Variants in LMO3 observed in about 807,000 individuals in gnomAD.
LMO3 encodes LIM domain only 3.
LMO3 carries 2 observed loss-of-function variants against 15.8 expected under a neutral mutation model. The ratio of observed to expected loss-of-function variants is 0.13; its 90% CI spans 0.05 to 0.40. The LOEUF is 0.40. Among genes scored for constraint, LMO3 ranks in the 10% least tolerant of loss-of-function variants. The pLI is 0.99. For missense variants in LMO3, 86 were observed against 182.2 expected, an observed-to-expected ratio of 0.47 and a Z score of 3.04; for synonymous variants, 62 against 63.8, an observed-to-expected ratio of 0.97 and a Z score of 0.13.
chr12:16,599,649 A>G lies in LMO3; in HGVS notation c.206+1006T>C, dbSNP rs1943761171. The G allele has an allele frequency of 6.6e-6, 1 of 152,228 alleles. No homozygotes were observed. Among genetic ancestry groups the G allele is most frequent in the South Asian group, 2.1e-4 (1 of 4,836 alleles). 9.4% of individuals were successfully genotyped at this position (152,228 alleles called of 1,614,324 possible). Reference sequence around the variant, plus strand: ...TATGAAAATCCCAATGATGCCATATATCATTTCTCTAATTTGATAGATCCT... The same window carrying G: ...TATGAAAATCCCAATGATGCCATATGTCATTTCTCTAATTTGATAGATCCT... On this transcript the variant is annotated intron_variant, in intron 2 of 3. Transcript: ENST00000537304. This position sits in a 1 kb window ranked among gnomAD's most constrained non-coding sequence, Gnocchi z 4.1.
At position 16,584,191 on chromosome 12, in the gene LMO3, G is replaced by A. The variant is rs1038180905; in HGVS notation, c.206+16464C>T. On this transcript the variant is annotated intron_variant, in intron 2 of 3. Transcript: ENST00000537304. This position sits in a 1 kb window ranked among gnomAD's most constrained non-coding sequence, Gnocchi z 5.2. ...TAAAAGGTAGTATAATTAGATGTAC[G>A]AGTTTTGTTGGAGGATGCATTTTTT... Among the ~76,000 whole-genome samples, 15 of 152,092 alleles carry A rather than the reference G, an allele frequency of 9.9e-5. No homozygotes were observed. The highest frequency in any genetic ancestry group is 7.7e-4 in the East Asian group (4 of 5,172).
chr12:16,568,742 A>G (rs943599553), intron 2 of LMO3, among the ~76,000 whole-genome samples: 24 of 152,338 alleles, frequency 1.6e-4, no homozygotes, highest in African/African-American at 5.3e-4. Flanking sequence ...TACTAGAAAT[A>G]TTAAAATTAA....
chr12:16,552,445 T>C (rs1448048586), intron 3 of LMO3, among the ~76,000 whole-genome samples: 2 of 152,012 alleles, frequency 1.3e-5, no homozygotes, highest in African/African-American at 2.4e-5. Context: ...TTTTGTGAAG[T>C]TGAAGGTTTA....
chr12:16,609,068 T>C (rs1216655016), upstream of LMO3: 1 of 152,200 alleles, frequency 6.6e-6, no homozygotes, highest in South Asian at 2.1e-4. Context: ...AGTTTTTCTC[T>C]TCATAATCAT....
In LMO3 at chr12:16,604,056, G is replaced by C. The variant is rs1591836889; in HGVS notation, c.-9+2010C>G. ...ATGGGAATGCAGGTTCTGCAGCTGG[G>C]AGCATTGACACAGATTAAAAGAATT... On this transcript the variant is annotated intron_variant, in intron 1 of 3. Coordinates refer to ENST00000537304, the MANE Select transcript of LMO3 (RefSeq NM_018640.5). This position sits in a 1 kb window ranked among gnomAD's most constrained non-coding sequence, Gnocchi z 5.3. 6.6e-6 allele frequency among the ~76,000 whole-genome samples: 1 copy of C among 152,160 alleles called. No individual in the cohort carries two copies. The highest frequency in any genetic ancestry group is 1.5e-5 in the Non-Finnish European group (1 of 68,022).
At chr12:16,577,399 T>C (rs571219672) in intron 2 of LMO3, among the ~76,000 whole-genome samples, 17 of 152,310 alleles carry the variant, frequency 1.1e-4, no homozygotes, top group African/African-American at 4.1e-4. Context: ...CCTAAGTAGT[T>C]GGCAGTTATT....
rs199601375 is a variant in LMO3, at chr12:16,604,563, TAA to T, written c.-9+1501_-9+1502del. On this transcript the variant is annotated intron_variant, in intron 1 of 3. Transcript: ENST00000537304. This position sits in a 1 kb window ranked among gnomAD's most constrained non-coding sequence, Gnocchi z 5.3. ...ATTTTGATGCAGCTCACATGCAAAA[TAA>T]AAAAAAAAAATAAGAAACATACATA... is the stretch of plus-strand genomic sequence containing the variant. 168 of 300,166 alleles carry T rather than the reference TAA, an allele frequency of 5.6e-4. No individual in the cohort carries two copies. The highest frequency in any genetic ancestry group is 1.4e-3 in the South Asian group (21 of 15,030). 18.6% of individuals were successfully genotyped at this position (300,166 alleles called of 1,614,324 possible).
chr12:16,602,961 T>C (rs755266742), intron 1 of LMO3, among the ~76,000 whole-genome samples: 3 of 151,438 alleles, frequency 2.0e-5, no homozygotes, highest in South Asian at 2.1e-4. Flanking sequence ...CTATTATTTT[T>C]ATTTATCACA....
intron 1 of LMO3, chr12:16,601,861 T>G (rs996519080): frequency 1.3e-5 from 2 of 152,136 alleles, no homozygotes; most frequent in East Asian, 1.9e-4. Context: ...TCACCTTGAG[T>G]GTCTTCTTAT....
intron 3 of LMO3, among the ~76,000 whole-genome samples, chr12:16,556,660 A>AT (rs1308692239): frequency 5.3e-5 from 8 of 152,206 alleles, no homozygotes; most frequent in South Asian, 2.1e-4. Flanking sequence ...TGCGACAATG[A>AT]TTTGGCTACT....
chr12:16,597,388 AATC>A lies in LMO3; in HGVS notation c.206+3264_206+3266del, dbSNP rs1337174299. ...TATTTTCATATTATTTAATATCTCAAATCATCATTCAAAGAACTTATAAATCAC... is the reference window on the plus strand; with the variant it reads ...TATTTTCATATTATTTAATATCTCAAATCATTCAAAGAACTTATAAATCAC... On this transcript the variant is annotated intron_variant, in intron 2 of 3. Transcript: ENST00000537304. The surrounding 1 kb of genome is among the most constrained non-coding windows in gnomAD (Gnocchi z 5.0). 6.6e-6 allele frequency among the ~76,000 whole-genome samples: 1 copy of A among 151,746 alleles called. No homozygotes were observed. Among genetic ancestry groups the A allele is most frequent in the African/African-American group, 2.4e-5 (1 of 41,406 alleles).
At chr12:16,558,581 A>G (rs1942276144) in intron 3 of LMO3, among the ~76,000 whole-genome samples, 1 of 152,060 alleles carries the variant, frequency 6.6e-6, no homozygotes, top group African/African-American at 2.4e-5. Context: ...TTGCCAATTT[A>G]TTTTCGTCTA....
At position 16,596,216 on chromosome 12, in the gene LMO3, T is replaced by C. The variant is rs1404349757; in HGVS notation, c.206+4439A>G. On this transcript the variant is annotated intron_variant, in intron 2 of 3. Coordinates refer to ENST00000537304, the MANE Select transcript of LMO3 (RefSeq NM_018640.5). The surrounding 1 kb of genome is among the most constrained non-coding windows in gnomAD (Gnocchi z 4.3). ...ATTATATTAAAGCCTATAAAATTTG[T>C]AGTCAGCATAGCAAGCTTCAAATCA... is the stretch of plus-strand genomic sequence containing the variant. 6.6e-6 allele frequency among the ~76,000 whole-genome samples: 1 copy of C among 151,552 alleles called. No individual in the cohort carries two copies. Among genetic ancestry groups the C allele is most frequent in the African/African-American group, 2.4e-5 (1 of 41,402 alleles).
rs1263465722 is a variant in LMO3 at position 16,603,331 on chromosome 12, T to C, written c.-8-2463A>G. On this transcript the variant is annotated intron_variant, in intron 1 of 3. Transcript: ENST00000537304. The surrounding 1 kb of genome is among the most constrained non-coding windows in gnomAD (Gnocchi z 4.9). ...TGAAAATGGAATCTCTTGAATTCCA[T>C]GCAAGTTAACAATTGTAGCAAAAGA... Among the ~76,000 whole-genome samples, 1 of 152,210 alleles carries C rather than the reference T, an allele frequency of 6.6e-6. No individual in the cohort carries two copies. Among genetic ancestry groups the C allele is most frequent in the African/African-American group, 2.4e-5 (1 of 41,450 alleles).
At position 16,549,121 on chromosome 12, in the gene LMO3, G is replaced by A. The variant is rs2137228520; in HGVS notation, c.*2101C>T. 6.6e-6 allele frequency: 1 copy of A among 152,238 alleles called. No individual in the cohort carries two copies. Among genetic ancestry groups the A allele is most frequent in the Middle Eastern group, 3.4e-3 (1 of 294 alleles). The allele number at this position is 152,238 out of a possible 1,614,324, so 9.4% of individuals were successfully genotyped here. ...ACATCCATGTGAATTTCAAGCAATT[G>A]TTAATGGGGACCAGCAGGGCTGCAT... On this transcript the variant is annotated 3_prime_UTR_variant, in exon 4 of 4. Transcript: ENST00000537304.
chr12:16,579,069 C>T (rs1283383775), intron 2 of LMO3, among the ~76,000 whole-genome samples: 1 of 152,084 alleles, frequency 6.6e-6, no homozygotes, highest in East Asian at 1.9e-4. Flanking sequence ...CAAACACTCT[C>T]TAGAGCTTAG....
chr12:16,551,407 A>C (rs1190734429), intron 3 of LMO3, 80 bp from the exon 4 acceptor site: 1 of 855,090 alleles, frequency 1.2e-6, no homozygotes, highest in Non-Finnish European at 1.9e-6. Flanking sequence ...TTTTCCTATT[A>C]ATAGTTTCGC....
chr12:16,560,367 C>T lies in LMO3; in HGVS notation c.332+46G>A, dbSNP rs1278367996. ...CCACCTATTAAATAAATAGCCAGCA[C>T]AGAGAGGTTAACCATTTCTTAGAGA... On this transcript the variant is annotated intron_variant, in intron 3 of 3. Coordinates refer to ENST00000537304, the MANE Select transcript of LMO3 (RefSeq NM_018640.5). The surrounding 1 kb of genome is among the most constrained non-coding windows in gnomAD (Gnocchi z 5.0). The T allele has an allele frequency of 6.3e-7, 1 of 1,588,048 alleles. No homozygotes were observed. The highest frequency in any genetic ancestry group is 2.2e-5 in the East Asian group (1 of 44,486).
At position 16,560,502 on chromosome 12, in the gene LMO3, A is replaced by G. The variant is rs1437080269; in HGVS notation, c.243T>C (p.Ser81=). Residue 81 remains serine (S), a synonymous_variant, in exon 3 of 4, where the codon AGT becomes AGC. Coordinates refer to ENST00000537304, the MANE Select transcript of LMO3 (RefSeq NM_018640.5). The surrounding 1 kb of genome is among the most constrained non-coding windows in gnomAD (Gnocchi z 5.0). ...FGVTGNCAAC[S]KLIPAFEMVM... is the part of the protein sequence containing the mutation. Reference sequence around the variant, plus strand: ...CCATCTCAAAGGCAGGGATGAGCTTACTACAGGCAGCGCAGTTTCCCGTTA... The same window carrying G: ...CCATCTCAAAGGCAGGGATGAGCTTGCTACAGGCAGCGCAGTTTCCCGTTA... 1.2e-6 allele frequency: 2 copies of G among 1,613,950 alleles called. No homozygotes were observed. The highest frequency in any genetic ancestry group is 1.7e-6 in the Non-Finnish European group (2 of 1,179,890).
Sources: allele counts gnomAD v4.1 joint callset (sites outside exome capture counted in the v4.1 genomes callset), GRCh38; gene constraint gnomAD v4.1.1; non-coding constraint Gnocchi (gnomAD v3.1); transcripts MANE v1.5; gene names NCBI Gene and HGNC (gene_info 2026-07-23, HGNC 2026-07-21).